FAT3: variants seen among roughly 807,000 people sequenced by gnomAD.
FAT3 encodes the protein protocadherin Fat 3.
FAT3 carries 95 observed loss-of-function variants against 310.2 expected under a neutral mutation model. The observed-to-expected ratio is 0.31, with a 90% confidence interval of 0.26 to 0.36. The LOEUF (loss-of-function observed/expected upper bound fraction) is 0.36. Ranked by LOEUF, FAT3 falls within the 10% of genes least tolerant of loss-of-function variation. FAT3 has a pLI of 1.00. For synonymous variants in FAT3, 2,314 were observed against 2,192.9 expected (o/e 1.06, Z -1.54); for missense variants, 5,408 against 5,715.6 (o/e 0.95, Z 1.74).
At chr11:92,874,588 G>A (rs1379550990) in intron 22 of FAT3, among the ~76,000 whole-genome samples, 1 of 152,234 alleles carries the variant, frequency 6.6e-6, no homozygotes, top group African/African-American at 2.4e-5. Flanking sequence ...TGCCTAGGCT[G>A]AAGTGCAATG....
At chr11:92,446,638 A>G (rs1327943178) in intron 2 of FAT3, among the ~76,000 whole-genome samples, 1 of 152,216 alleles carries the variant, frequency 6.6e-6, no homozygotes, top group African/African-American at 2.4e-5. Context: ...ACTTAAAAGA[A>G]GACATACTAC....
intron 3 of FAT3, among the ~76,000 whole-genome samples, chr11:92,568,822 C>T (rs1459511578): frequency 6.6e-6 from 1 of 152,120 alleles, no homozygotes; most frequent in Non-Finnish European, 1.5e-5. Flanking sequence ...GCAGTCTTCC[C>T]AGATGTTTCC....
intron 3 of FAT3, among the ~76,000 whole-genome samples, chr11:92,551,662 TTA>T (rs1565404681): frequency 6.6e-6 from 1 of 152,160 alleles, no homozygotes; most frequent in Non-Finnish European, 1.5e-5. Context: ...GGTTATGTTA[TTA>T]GAGGAGACAC....
Position 92,844,393 on chromosome 11 carries a change from G to A in FAT3, c.11026G>A (p.Ala3676Thr). The A allele has an allele frequency of 6.2e-7, 1 of 1,613,944 alleles. No homozygotes were observed. Among genetic ancestry groups the A allele is most frequent in the Non-Finnish European group, 8.5e-7 (1 of 1,179,892 alleles). Residue 3676 changes from alanine to threonine, a missense_variant, in exon 19 of 28, where the codon GCA becomes ACA. Physicochemically the swap from Ala to Thr is moderately conservative, Grantham distance 58. Transcript: ENST00000525166. Reference protein sequence around the residue: ...MHGFRRTLRNAVLTQKQDSLR... With the variant: ...MHGFRRTLRNTVLTQKQDSLR... ...TGGGTTCCGGCGCACCCTGCGGAAT[G>A]CAGTCCTCACCCAGAAGCAGGACAG...
chr11:92,832,558 A>G (rs908216952), intron 14 of FAT3, among the ~76,000 whole-genome samples: 9 of 151,992 alleles, frequency 5.9e-5, no homozygotes, highest in Non-Finnish European at 1.0e-4. Context: ...TACTTAGCAA[A>G]TATCTGACCC....
At chr11:92,377,058 A>T (rs1018725710) in intron 2 of FAT3, among the ~76,000 whole-genome samples, 1 of 152,186 alleles carries the variant, frequency 6.6e-6, no homozygotes, top group African/African-American at 2.4e-5. Flanking sequence ...GGCTTAAAGG[A>T]TACTGAGGTA....
At chr11:92,445,428 C>A (rs1221138601) in intron 2 of FAT3, among the ~76,000 whole-genome samples, 1 of 151,960 alleles carries the variant, frequency 6.6e-6, no homozygotes, top group Admixed American at 6.6e-5. Flanking sequence ...CATTGTTCTC[C>A]CAGAAGAGTT....
chr11:92,671,486 C>G (rs1231261049), intron 3 of FAT3, among the ~76,000 whole-genome samples: 1 of 151,876 alleles, frequency 6.6e-6, no homozygotes, highest in Non-Finnish European at 1.5e-5. Flanking sequence ...AACATTTGCC[C>G]CCGTCCTCAG....
chr11:92,224,964 C>T lies in FAT3; in HGVS notation c.-228C>T, dbSNP rs953775705. The stretch of plus-strand genomic sequence containing the variant: ...TGTTCTCTTCATCTCGGCTCCCCTC[C>T]TCCGCTTGCGAACCCCCGGCGGCGG... On this transcript the variant is annotated 5_prime_UTR_variant, in exon 1 of 28. Coordinates refer to ENST00000525166, the MANE Select transcript of FAT3 (RefSeq NM_001367949.2). 1.3e-5 allele frequency among the ~76,000 whole-genome samples: 2 copies of T among 152,112 alleles called. No homozygotes were observed. The highest frequency in any genetic ancestry group is 2.1e-4 in the South Asian group (1 of 4,838).
At position 92,403,831 on chromosome 11, in the gene FAT3, T is replaced by C. The variant is rs1373666035; in HGVS notation, c.3292+48427T>C. On this transcript the variant is annotated intron_variant, in intron 2 of 27. Coordinates refer to ENST00000525166, the MANE Select transcript of FAT3 (RefSeq NM_001367949.2). Reference sequence around the variant, plus strand: ...GTGGGAGGATCACGAGGTCAGGAGATGGAGACCATCCTGGCTAACATGGTG... The same window carrying C: ...GTGGGAGGATCACGAGGTCAGGAGACGGAGACCATCCTGGCTAACATGGTG... Among the ~76,000 whole-genome samples the C allele has an allele frequency of 2.0e-5, 3 of 152,140 alleles. No homozygotes were observed. The South Asian group carries it at 6.2e-4, about 31-fold the overall frequency.
chr11:92,476,082 CGT>C (rs369178854), intron 2 of FAT3, among the ~76,000 whole-genome samples: 5 of 150,480 alleles, frequency 3.3e-5, no homozygotes, highest in South Asian at 2.1e-4. Context: ...TGTGTGTGTG[CGT>C]GTGTGTGTGT....
chr11:92,306,644 TTA>T (rs1200254109), intron 1 of FAT3, among the ~76,000 whole-genome samples: 1 of 123,686 alleles, frequency 8.1e-6, no homozygotes, highest in Non-Finnish European at 1.6e-5. Flanking sequence ...ATTATATATA[TTA>T]TATATATTAT....
chr11:92,412,730 T>C (rs370260890), intron 2 of FAT3, among the ~76,000 whole-genome samples: 6 of 22,884 alleles, frequency 2.6e-4, no homozygotes, highest in Non-Finnish European at 2.3e-4. Flanking sequence ...TATATATATA[T>C]ATATATATAT....
intron 3 of FAT3, among the ~76,000 whole-genome samples, chr11:92,571,701 G>A (rs1955669064): frequency 6.6e-6 from 1 of 152,116 alleles, no homozygotes; most frequent in African/African-American, 2.4e-5. Context: ...CTTTCTCTCT[G>A]TATGTGTTTC....
intron 2 of FAT3, among the ~76,000 whole-genome samples, chr11:92,454,369 C>T (rs1951444163): frequency 6.6e-6 from 1 of 152,148 alleles, no homozygotes; most frequent in Non-Finnish European, 1.5e-5. Context: ...AATTCTTCTT[C>T]CCACGAGTAT....
At chr11:92,735,430 C>A (rs987366069) in intron 4 of FAT3, among the ~76,000 whole-genome samples, 1 of 152,108 alleles carries the variant, frequency 6.6e-6, no homozygotes, top group Admixed American at 6.6e-5. Context: ...AGCTTTTGCT[C>A]TCAAATCTTT....
chr11:92,584,283 AT>A lies in FAT3; in HGVS notation c.3607+59337del, dbSNP rs1407289198. On this transcript the variant is annotated intron_variant, in intron 3 of 27. Coordinates refer to ENST00000525166, the MANE Select transcript of FAT3 (RefSeq NM_001367949.2). Reference sequence around the variant, plus strand: ...ACAGCAACTTTGCTTTGGCAATAACATTGGTGACTGTAATGGTGCTTCTTGA... The same window carrying A: ...ACAGCAACTTTGCTTTGGCAATAACATGGTGACTGTAATGGTGCTTCTTGA... 6.6e-5 allele frequency among the ~76,000 whole-genome samples: 10 copies of A among 152,130 alleles called. 1 individual carries two copies. The East Asian group carries it at 1.9e-3, about 30-fold the overall frequency.
intron 3 of FAT3, among the ~76,000 whole-genome samples, chr11:92,572,862 C>T (rs145126224): frequency 7.2e-4 from 110 of 152,172 alleles, no homozygotes; most frequent in African/African-American, 2.5e-3. Flanking sequence ...AGCTTGCTAA[C>T]CAAATTTTAA....
intron 1 of FAT3, among the ~76,000 whole-genome samples, chr11:92,237,960 C>T (rs566290441): frequency 2.0e-4 from 30 of 152,202 alleles, no homozygotes; most frequent in Admixed American, 4.6e-4. Flanking sequence ...TCTTTGCATA[C>T]GCACTTTTGT....
Sources: allele counts gnomAD v4.1 joint callset (sites outside exome capture counted in the v4.1 genomes callset), GRCh38; gene constraint gnomAD v4.1.1; transcripts MANE v1.5; gene names NCBI Gene and HGNC (gene_info 2026-07-23, HGNC 2026-07-21).